Variants in FHOD3 observed in about 807,000 individuals in gnomAD.
FHOD3 encodes the protein FH1/FH2 domain-containing protein 3.
FHOD3 carries 90 observed loss-of-function variants against 173.0 expected under a neutral mutation model. That is an observed-to-expected ratio of 0.52 (90% confidence interval 0.44 to 0.62). The LOEUF is 0.62. FHOD3 is among the 20% of genes least tolerant of loss of function. The probability of loss-of-function intolerance (pLI) is 0.00; values close to 1 mark genes in which losing one functional copy is unlikely to be tolerated. For synonymous variants in FHOD3, 828 were observed against 823.0 expected, an observed-to-expected ratio of 1.01 and a Z score of -0.10; for missense variants, 1,945 against 2,034.7, an observed-to-expected ratio of 0.96 and a Z score of 0.85.
intron 3 of FHOD3, among the ~76,000 whole-genome samples, chr18:36,446,911 G>C (rs993617838): frequency 6.6e-6 from 1 of 152,094 alleles, no homozygotes; most frequent in Admixed American, 6.5e-5. Flanking sequence ...TAAGAGGAGG[G>C]CTGACTGGGG....
chr18:36,574,720 A>G (rs911827514), intron 5 of FHOD3, among the ~76,000 whole-genome samples: 1 of 152,046 alleles, frequency 6.6e-6, no homozygotes, highest in African/African-American at 2.4e-5. Flanking sequence ...ATCTTATTAA[A>G]TTTGCCTGAA....
chr18:36,770,106 G>A (rs549960429), intron 28 of FHOD3, among the ~76,000 whole-genome samples: 1 of 152,316 alleles, frequency 6.6e-6, no homozygotes, highest in South Asian at 2.1e-4. Flanking sequence ...GCTCCATAGG[G>A]AAACAGGTTC....
At chr18:36,644,158 G>A (rs1004813791) in intron 10 of FHOD3, among the ~76,000 whole-genome samples, 1 of 152,134 alleles carries the variant, frequency 6.6e-6, no homozygotes, top group South Asian at 2.1e-4. Flanking sequence ...AATGGATTTG[G>A]AACAGGCCTG....
At position 36,297,720 on chromosome 18, in the gene FHOD3, C is replaced by A. The variant is rs1326577409; in HGVS notation, c.-116C>A. 3 of 694,634 alleles carry A rather than the reference C, an allele frequency of 4.3e-6. No individual in the cohort carries two copies. The highest frequency in any genetic ancestry group is 6.5e-5 in the South Asian group (1 of 15,458). The allele number at this position is 694,634 out of a possible 1,614,324, so 43.0% of individuals were successfully genotyped here. A position where few individuals can be genotyped will look rare whatever the true frequency, so the allele number is the denominator to read the frequency against. ...CTGCAGCCCGGCGCGCCTGAGCCTG[C>A]GAGTCCGCGAGCCAGCGAGCTGCGG... On this transcript the variant is annotated 5_prime_UTR_variant, in exon 1 of 29. Transcript: ENST00000590592.
chr18:36,362,554 G>T (rs558253054), intron 2 of FHOD3, among the ~76,000 whole-genome samples: 1 of 152,316 alleles, frequency 6.6e-6, no homozygotes, highest in South Asian at 2.1e-4. Flanking sequence ...TGAGAAGGCT[G>T]GAATACTGGA....
At chr18:36,482,767 A>C (rs2053971705) in intron 3 of FHOD3, among the ~76,000 whole-genome samples, 2 of 150,654 alleles carry the variant, frequency 1.3e-5, no homozygotes, top group South Asian at 4.2e-4. Context: ...GAGTCCAATA[A>C]ATGTTTGTTT....
intron 5 of FHOD3, among the ~76,000 whole-genome samples, chr18:36,515,371 C>A (rs1361372864): frequency 6.6e-6 from 1 of 152,156 alleles, no homozygotes; most frequent in East Asian, 1.9e-4. Flanking sequence ...GCGCCTGCCA[C>A]CACACCTGCC....
chr18:36,684,263 T>G (rs1193506464), intron 15 of FHOD3, among the ~76,000 whole-genome samples: 1 of 152,172 alleles, frequency 6.6e-6, no homozygotes, highest in Non-Finnish European at 1.5e-5. Context: ...AGAATTTAAA[T>G]AAGACCTCAA....
chr18:36,560,235 A>G (rs1379912007), intron 5 of FHOD3, among the ~76,000 whole-genome samples: 2 of 152,184 alleles, frequency 1.3e-5, no homozygotes, highest in South Asian at 2.1e-4. Flanking sequence ...TGGGCCTTGC[A>G]TCTAACCTGC....
chr18:36,747,711 A>C (rs1224201939), intron 24 of FHOD3, among the ~76,000 whole-genome samples: 2 of 152,162 alleles, frequency 1.3e-5, no homozygotes, highest in Non-Finnish European at 2.9e-5. Context: ...TTGTGCCCAC[A>C]AGGAGAATGG....
intron 5 of FHOD3, among the ~76,000 whole-genome samples, chr18:36,530,546 G>A (rs887536622): frequency 6.6e-6 from 1 of 152,132 alleles, no homozygotes; most frequent in Non-Finnish European, 1.5e-5. Context: ...CATGGCTCTC[G>A]CCTGTCCATT....
chr18:36,607,422 C>T (rs72895541), intron 8 of FHOD3, among the ~76,000 whole-genome samples: 190 of 152,268 alleles, frequency 1.2e-3, no homozygotes, highest in Middle Eastern at 3.4e-3. Flanking sequence ...GTCCAGAAAC[C>T]TTGCCCTCAA....
chr18:36,415,432 G>T (rs1170661335), intron 3 of FHOD3, among the ~76,000 whole-genome samples: 2 of 152,198 alleles, frequency 1.3e-5, no homozygotes, highest in Non-Finnish European at 2.9e-5. Context: ...AGAGAAAGGG[G>T]AGAAAAAGTG....
chr18:36,663,156 T>C (rs1168438182), intron 14 of FHOD3, among the ~76,000 whole-genome samples: 2 of 152,246 alleles, frequency 1.3e-5, no homozygotes, highest in Non-Finnish European at 2.9e-5. Context: ...AGTACTTCTG[T>C]AGCTACATTT....
intron 1 of FHOD3, among the ~76,000 whole-genome samples, chr18:36,352,928 G>C (rs1364874228): frequency 6.6e-6 from 1 of 152,216 alleles, no homozygotes; most frequent in Admixed American, 6.5e-5. Flanking sequence ...CGTGTCAACA[G>C]GTCCAATTTC....
chr18:36,476,056 T>C (rs2053557865), intron 3 of FHOD3, among the ~76,000 whole-genome samples: 1 of 152,226 alleles, frequency 6.6e-6, no homozygotes, highest in Non-Finnish European at 1.5e-5. Flanking sequence ...TATTATTATA[T>C]TGAATTTATG....
chr18:36,536,453 A>G (rs1376369420), intron 5 of FHOD3, among the ~76,000 whole-genome samples: 1 of 152,258 alleles, frequency 6.6e-6, no homozygotes, highest in Non-Finnish European at 1.5e-5. Flanking sequence ...CGCTGTGCCC[A>G]TTTAGGAATC....
rs144336515 is a variant in FHOD3, at chr18:36,346,353, G to A, written c.166-9186G>A. ...TGCACTCCAAGCTGGGTGACAGAGTGAGACCCTGCCTCAAAACAAAAAACA... is the reference window on the plus strand; with the variant it reads ...TGCACTCCAAGCTGGGTGACAGAGTAAGACCCTGCCTCAAAACAAAAAACA... On this transcript the variant is annotated intron_variant, in intron 1 of 28. Transcript: ENST00000590592. Among the ~76,000 whole-genome samples, 1,234 of 152,210 alleles carry A rather than the reference G, an allele frequency of 8.1e-3. 19 individuals are homozygous for A. The highest frequency in any genetic ancestry group is 0.028 in the African/African-American group (1,166 of 41,518).
chr18:36,326,261 C>G (rs1485655719), intron 1 of FHOD3, among the ~76,000 whole-genome samples: 1 of 152,192 alleles, frequency 6.6e-6, no homozygotes, highest in Non-Finnish European at 1.5e-5. Flanking sequence ...AGGTTGACTT[C>G]TAATTTTCCT....
Sources: allele counts gnomAD v4.1 joint callset (sites outside exome capture counted in the v4.1 genomes callset), GRCh38; gene constraint gnomAD v4.1.1; transcripts MANE v1.5; gene names NCBI Gene and HGNC (gene_info 2026-07-23, HGNC 2026-07-21).